Variants in CADM2 observed in about 807,000 individuals in gnomAD.
CADM2 encodes cell adhesion molecule 2, also known as immunoglobulin superfamily member 4D.
A neutral mutation model predicts 49.8 loss-of-function variants in CADM2; 12 were observed. The observed-to-expected ratio is 0.24, with a 90% confidence interval of 0.15 to 0.39. The LOEUF is 0.39. Among genes scored for constraint, CADM2 ranks in the 10% least tolerant of loss-of-function variants. The pLI, the probability that CADM2 is intolerant of heterozygous loss-of-function variation, is 1.00. For missense variants in CADM2, 378 were observed against 492.3 expected (o/e 0.77, Z 2.20); for synonymous variants, 214 against 175.4 (o/e 1.22, Z -1.74).
intron 1 of CADM2, among the ~76,000 whole-genome samples, chr3:85,094,026 G>A (rs1413928281): frequency 6.6e-6 from 1 of 152,022 alleles, no homozygotes; most frequent in Non-Finnish European, 1.5e-5. Flanking sequence ...AGTGTAATAG[G>A]TTTCCATTTA....
chr3:85,506,601 G>T (rs1559875461), intron 1 of CADM2, among the ~76,000 whole-genome samples: 2 of 151,770 alleles, frequency 1.3e-5, no homozygotes, highest in Admixed American at 6.6e-5. Flanking sequence ...ATATCACTAT[G>T]TTGCCCAGGC....
intron 8 of CADM2, among the ~76,000 whole-genome samples, chr3:86,016,219 T>A (rs2106959873): frequency 6.6e-6 from 1 of 152,172 alleles, no homozygotes; most frequent in African/African-American, 2.4e-5. Context: ...GTGAAACAAG[T>A]AAACAGAGGG....
At chr3:85,898,937 G>GTGTATATATATATATATATATATATATA (rs796467067) in intron 5 of CADM2, among the ~76,000 whole-genome samples, 25 of 46,696 alleles carry the variant, frequency 5.4e-4, no homozygotes, top group East Asian at 2.2e-3. Flanking sequence ...CATTTATTGT[G>GTGTATATATATATATATATATATATATA]TATATATATA....
At chr3:85,184,003 G>C (rs1271440079) in intron 1 of CADM2, among the ~76,000 whole-genome samples, 1 of 152,002 alleles carries the variant, frequency 6.6e-6, no homozygotes, top group Non-Finnish European at 1.5e-5. Context: ...AATAAAAATG[G>C]TTAGATCATT....
intron 1 of CADM2, among the ~76,000 whole-genome samples, chr3:84,975,341 A>G (rs1359295873): frequency 6.6e-6 from 1 of 151,852 alleles, no homozygotes; most frequent in Non-Finnish European, 1.5e-5. Context: ...AGATACCTTT[A>G]CATTTTGGAA....
chr3:85,568,469 C>CAT (rs2062363167), intron 1 of CADM2, among the ~76,000 whole-genome samples: 2 of 11,156 alleles, frequency 1.8e-4, no homozygotes, highest in Admixed American at 1.1e-3. Flanking sequence ...CTTTCTCTTT[C>CAT]TCTCTCTTTC....
At chr3:85,161,147 T>C (rs934249478) in intron 1 of CADM2, among the ~76,000 whole-genome samples, 1 of 152,214 alleles carries the variant, frequency 6.6e-6, no homozygotes, top group African/African-American at 2.4e-5. Context: ...AGAGAAGACA[T>C]TTTATATCAC....
At chr3:85,398,828 C>T (rs1029170479) in intron 1 of CADM2, among the ~76,000 whole-genome samples, 1 of 152,150 alleles carries the variant, frequency 6.6e-6, no homozygotes, top group Non-Finnish European at 1.5e-5. Context: ...CTGTTCATAT[C>T]CTTTGCCCAG....
In CADM2 at chr3:84,983,583, C is replaced by T. The variant is rs891882534; in HGVS notation, c.61+23915C>T. 3.9e-5 allele frequency among the ~76,000 whole-genome samples: 6 copies of T among 152,056 alleles called. No individual in the cohort carries two copies. The East Asian group carries it at 7.7e-4, about 20-fold the overall frequency. On this transcript the variant is annotated intron_variant, in intron 1 of 9. Coordinates refer to ENST00000383699, the MANE Select transcript of CADM2 (RefSeq NM_001167675.2). ...TAGAGGTGTCAGAAATCATTGTCTA[C>T]CTCCCTTTATTTCTGCCTGGAGCCA...
At position 85,543,992 on chromosome 3, in the gene CADM2, A is replaced by G. The variant is rs552602201; in HGVS notation, c.62-182530A>G. Among the ~76,000 whole-genome samples the G allele has an allele frequency of 7.2e-5, 11 of 152,334 alleles. No homozygotes were observed. The South Asian group carries it at 1.7e-3, about 23-fold the overall frequency. ...TTCAGTAAAACTTCATTGGCTTCCA[A>G]TATACTGATAGCATCCATTTTTGTT... On this transcript the variant is annotated intron_variant, in intron 1 of 9. Transcript: ENST00000383699.
intron 1 of CADM2, among the ~76,000 whole-genome samples, chr3:85,576,285 G>A (rs961406837): frequency 6.6e-6 from 1 of 152,166 alleles, no homozygotes; most frequent in Non-Finnish European, 1.5e-5. Context: ...TCTAGTGGCA[G>A]TACCTTAGAA....
chr3:85,568,984 A>G (rs571655198), intron 1 of CADM2, among the ~76,000 whole-genome samples: 22 of 152,202 alleles, frequency 1.4e-4, no homozygotes, highest in Middle Eastern at 3.4e-3. Context: ...CATAATTATA[A>G]ATTCACATCC....
At chr3:85,202,809 A>G (rs890518449) in intron 1 of CADM2, among the ~76,000 whole-genome samples, 3 of 152,152 alleles carry the variant, frequency 2.0e-5, no homozygotes, top group Non-Finnish European at 4.4e-5. Context: ...TCTACATGGA[A>G]AATCTGTTTT....
chr3:85,707,676 T>C (rs1367997457), intron 1 of CADM2, among the ~76,000 whole-genome samples: 3 of 152,094 alleles, frequency 2.0e-5, no homozygotes, highest in African/African-American at 7.2e-5. Flanking sequence ...ACCTGTACAT[T>C]TTCTCACAAT....
At chr3:85,979,032 G>A in intron 8 of CADM2, 2 of 948,510 alleles carry the variant, frequency 2.1e-6, no homozygotes, top group South Asian at 1.9e-5. Flanking sequence ...ACACAGTTTT[G>A]TACCTGATAT....
At chr3:85,666,594 G>T (rs1162849394) in intron 1 of CADM2, among the ~76,000 whole-genome samples, 1 of 152,088 alleles carries the variant, frequency 6.6e-6, no homozygotes, top group African/African-American at 2.4e-5. Flanking sequence ...TATTTTTATG[G>T]ACACTCATGC....
intron 1 of CADM2, among the ~76,000 whole-genome samples, chr3:85,544,277 G>T (rs139929784): frequency 2.0e-5 from 3 of 152,202 alleles, no homozygotes; most frequent in African/African-American, 7.2e-5. Flanking sequence ...ATAAATTACA[G>T]ATTTATATAA....
chr3:85,188,287 A>G (rs2041112621), intron 1 of CADM2, among the ~76,000 whole-genome samples: 1 of 152,104 alleles, frequency 6.6e-6, no homozygotes, highest in African/African-American at 2.4e-5. Context: ...AAACCATTTG[A>G]AAGATACAAG....
intron 3 of CADM2, among the ~76,000 whole-genome samples, chr3:85,823,824 T>C (rs1448616): frequency 0.7 from 107,035 of 151,992 alleles, 39,254 homozygotes; most frequent in African/African-American, 0.92. Context: ...GTCAACATTT[T>C]GATATATAAA....
Sources: gnomAD v4.1 joint callset for allele counts (sites outside exome capture counted in the v4.1 genomes callset) on GRCh38, gnomAD v4.1.1 for gene constraint, MANE v1.5 for transcripts, NCBI Gene and HGNC (gene_info 2026-07-23, HGNC 2026-07-21) for gene names.